Variants in GCNA observed in about 807,000 individuals in gnomAD.
GCNA encodes germ cell nuclear acidic protein.
Under a neutral mutation model 38.8 loss-of-function variants are expected in GCNA, and 3 were observed. That is an observed-to-expected ratio of 0.08 (90% confidence interval 0.04 to 0.20). GCNA has a LOEUF of 0.20. Ranked by LOEUF, GCNA falls within the 10% of genes least tolerant of loss-of-function variation. The pLI, the probability that GCNA is intolerant of heterozygous loss-of-function variation, is 1.00. For missense variants in GCNA, 446 were observed against 578.6 expected, an observed-to-expected ratio of 0.77 and a Z score of 2.35; for synonymous variants, 195 against 240.2, an observed-to-expected ratio of 0.81 and a Z score of 1.74.
rs1438816978 is a variant in GCNA at position 71,604,344 on chromosome X, A to G, written c.1067A>G (p.Glu356Gly). 2 of 1,210,789 alleles carry G rather than the reference A, an allele frequency of 1.7e-6. No homozygotes were observed. The highest frequency in any genetic ancestry group is 3.5e-5 in the African/African-American group (2 of 57,417). ...QIASDEEELVEAAAAVSQHDS... is the reference protein window; with the variant it reads ...QIASDEEELVGAAAAVSQHDS... ...GCTTCAGATGAAGAAGAGCTGGTTG[A>G]GGCTGCTGCTGCTGTCTCCCAGCAT... Residue 356 changes from glutamate to glycine, a missense_variant, in exon 8 of 13, where the codon GAG becomes GGG. Physicochemically the swap from Glu to Gly is moderately conservative, Grantham distance 98 (BLOSUM62 -2). Around this residue, in one of 7 missense-constraint regions of GCNA, gnomAD observed 160 missense variants for 165.2 expected, o/e 0.97. Coordinates refer to ENST00000373696, the MANE Select transcript of GCNA (RefSeq NM_052957.5).
chrX:71,593,413 G>C (rs2040645641), intron 4 of GCNA, among the ~76,000 whole-genome samples: 1 of 111,978 alleles, frequency 8.9e-6, no homozygotes, highest in Non-Finnish European at 1.9e-5. Context: ...CTGGCTGACA[G>C]TGGATGTCCA....
chrX:71,593,371 G>C (rs1176895245), intron 4 of GCNA, among the ~76,000 whole-genome samples: 1 of 111,704 alleles, frequency 9.0e-6, no homozygotes, highest in Non-Finnish European at 1.9e-5. Context: ...GGTGCTCACT[G>C]CGGTGTGACT....
rs187793704 is a variant in GCNA, at chrX:71,598,921, A to C, written c.310+883A>C. Among the ~76,000 whole-genome samples the C allele has an allele frequency of 1.6e-4, 18 of 109,465 alleles. No homozygotes were observed. In the Admixed American group the frequency reaches 1.7e-3, roughly 11 times the overall value. On this transcript the variant is annotated intron_variant, in intron 7 of 12. Coordinates refer to ENST00000373696, the MANE Select transcript of GCNA (RefSeq NM_052957.5). The stretch of plus-strand genomic sequence containing the variant: ...AGTGGCATGATCTCAGCTCTCTGCA[A>C]CCTCTGCCTCCTGGGCTCAAGTGAT...
Position 71,578,480 on chromosome X carries a change from G to A in GCNA, c.-45G>A, listed in dbSNP as rs1008677082. Reference sequence around the variant, plus strand: ...CTTTGCACACACTCCACGGGCAGTTGGAGGTGAGCTGCTGCCGGCCACGCC... The same window carrying A: ...CTTTGCACACACTCCACGGGCAGTTAGAGGTGAGCTGCTGCCGGCCACGCC... On this transcript the variant is annotated 5_prime_UTR_variant, in exon 1 of 13. Coordinates refer to ENST00000373696, the MANE Select transcript of GCNA (RefSeq NM_052957.5). 3 of 112,835 alleles carry A rather than the reference G, an allele frequency of 2.7e-5. No individual in the cohort carries two copies. Among genetic ancestry groups the A allele is most frequent in the Non-Finnish European group, 3.7e-5 (2 of 53,379 alleles). 9.3% of individuals were successfully genotyped at this position (112,835 alleles called of 1,213,427 possible). A position where few individuals can be genotyped will look rare whatever the true frequency, so the allele number is the denominator to read the frequency against.
At chrX:71,589,044 A>G (rs1279210629) in intron 2 of GCNA, among the ~76,000 whole-genome samples, 1 of 110,007 alleles carries the variant, frequency 9.1e-6, no homozygotes, top group East Asian at 2.8e-4. Context: ...TGTAAAGACA[A>G]AGAGTCTCGC....
intron 2 of GCNA, among the ~76,000 whole-genome samples, chrX:71,584,774 G>T (rs1355946908): frequency 9.0e-6 from 1 of 110,650 alleles, no homozygotes; most frequent in Non-Finnish European, 1.9e-5. Flanking sequence ...AGGCTGAGGC[G>T]GGAGAATGGC....
rs996806187 is a variant in GCNA, at chrX:71,591,504, G to A, written c.60-618G>A. ...CCTAGATATCAATCCCAAACAGTAG[G>A]CTGTCTCCAAGAAGTACACCCTTAA... On this transcript the variant is annotated intron_variant, in intron 2 of 12. Coordinates refer to ENST00000373696, the MANE Select transcript of GCNA (RefSeq NM_052957.5). Among the ~76,000 whole-genome samples, 82 of 101,133 alleles carry A rather than the reference G, an allele frequency of 8.1e-4. 1 individual carries two copies. The highest frequency in any genetic ancestry group is 4.7e-3 in the Middle Eastern group (1 of 215). The allele number at this position is 101,133 out of a possible 115,157, so 87.8% of individuals were successfully genotyped here. A position where few individuals can be genotyped will look rare whatever the true frequency, so the allele number is the denominator to read the frequency against.
chrX:71,608,001 C>A (rs1239076182), intron 9 of GCNA, among the ~76,000 whole-genome samples: 2 of 111,778 alleles, frequency 1.8e-5, no homozygotes, highest in African/African-American at 6.5e-5. Context: ...CCATGAATGT[C>A]AGGCCAGGCA....
intron 7 of GCNA, among the ~76,000 whole-genome samples, chrX:71,603,230 C>G (rs899677891): frequency 1.8e-5 from 2 of 112,069 alleles, no homozygotes; most frequent in Non-Finnish European, 3.8e-5. Flanking sequence ...CCACTTTGTT[C>G]TTTTTGCTCA....
At chrX:71,600,124 C>T (rs1272748230) in intron 7 of GCNA, among the ~76,000 whole-genome samples, 2 of 111,657 alleles carry the variant, frequency 1.8e-5, no homozygotes, top group African/African-American at 3.3e-5. Flanking sequence ...TGGCGTCAGA[C>T]ACACCGACCT....
At chrX:71,605,484 C>T (rs1050442253) in intron 8 of GCNA, among the ~76,000 whole-genome samples, 179 bp from the exon 9 acceptor site, 2 of 112,763 alleles carry the variant, frequency 1.8e-5, no homozygotes, top group Non-Finnish European at 3.8e-5. Flanking sequence ...CTGTGATTCA[C>T]GTGGGTGAGA....
At chrX:71,591,155 T>G (rs1413295807) in intron 2 of GCNA, among the ~76,000 whole-genome samples, 1 of 111,006 alleles carries the variant, frequency 9.0e-6, no homozygotes, top group East Asian at 2.8e-4. Flanking sequence ...GAAGTGGTGC[T>G]CACTGCGGTG....
At chrX:71,601,230 G>A (rs190571196) in intron 7 of GCNA, among the ~76,000 whole-genome samples, 3 of 110,259 alleles carry the variant, frequency 2.7e-5, no homozygotes, top group East Asian at 2.9e-4. Context: ...TGTAGTCCCC[G>A]CTACTTGGGA....
intron 2 of GCNA, among the ~76,000 whole-genome samples, chrX:71,585,826 G>GT (rs1484412481): frequency 2.0e-4 from 19 of 95,826 alleles, no homozygotes; most frequent in African/African-American, 7.0e-4. Context: ...ACAACTTGAG[G>GT]TTTTTTTAGG....
intron 12 of GCNA, 79 bp downstream of exon 12, chrX:71,612,638 T>A: frequency 1.0e-6 from 1 of 958,612 alleles, no homozygotes; most frequent in Non-Finnish European, 1.4e-6. Flanking sequence ...TATAAGTAGA[T>A]GGCTGTCTGA....
chrX:71,593,068 A>G (rs181215102), intron 4 of GCNA, among the ~76,000 whole-genome samples: 142 of 110,603 alleles, frequency 1.3e-3, no homozygotes, highest in South Asian at 4.3e-3. Context: ...TAATTTTTGT[A>G]TTTTTAGTAG....
At chrX:71,582,379 TA>T (rs1289063599) in intron 2 of GCNA, among the ~76,000 whole-genome samples, 1 of 111,375 alleles carries the variant, frequency 9.0e-6, no homozygotes, top group Admixed American at 9.6e-5. Context: ...CTTATTCATT[TA>T]TTTTTTTTTT....
rs144622847 is a variant in GCNA at position 71,603,925 on chromosome X, C to A, written c.648C>A (p.Asp216Glu). The A allele has an allele frequency of 1.3e-5, 16 of 1,206,591 alleles. No individual in the cohort carries two copies. In the South Asian group the frequency reaches 1.8e-4, roughly 13 times the overall value. The stretch of plus-strand genomic sequence containing the variant: ...ACAGTGATGATTCGGATGTTCCCGA[C>A]GACAAGAGTGATGATTCGGATGTTC... The part of the protein sequence containing the change: ...DDNSDDSDVP[D>E]DKSDDSDVPD... The change falls in exon 8 of 13, where the codon GAC becomes GAA. Residue 216 changes from aspartate (D) to glutamate (E), a missense_variant. By Grantham distance (45) the Asp-to-Glu change is conservative. Transcript: ENST00000373696.
chrX:71,590,713 G>A (rs764994573), intron 2 of GCNA, among the ~76,000 whole-genome samples: 2 of 108,858 alleles, frequency 1.8e-5, no homozygotes, highest in African/African-American at 3.4e-5. Context: ...ATGGGGTCTC[G>A]CTCTGTGGCC....
Sources: gnomAD v4.1 joint callset for allele counts (sites outside exome capture counted in the v4.1 genomes callset) on GRCh38, gnomAD v4.1.1 for gene constraint, gnomAD v4.1.1 regional missense constraint, MANE v1.5 for transcripts, NCBI Gene and HGNC (gene_info 2026-07-23, HGNC 2026-07-21) for gene names.